PDE1A: variants seen among roughly 807,000 people sequenced by gnomAD.
The protein encoded by PDE1A is phosphodiesterase 1A, also known as dual specificity calcium/calmodulin-dependent 3',5'-cyclic nucleotide phosphodiesterase 1A.
In PDE1A, 35 loss-of-function variants were observed where a neutral mutation model predicts 61.7. The ratio of observed to expected loss-of-function variants is 0.57; its 90% CI spans 0.43 to 0.75. The LOEUF (loss-of-function observed/expected upper bound fraction) is 0.75, where lower values mean the gene tolerates loss of function less well. Among genes scored for constraint, PDE1A ranks in the 30% least tolerant of loss-of-function variants. The probability of loss-of-function intolerance (pLI) is 0.00; values close to 1 mark genes in which losing one functional copy is unlikely to be tolerated. For missense variants in PDE1A, 597 were observed against 630.6 expected (o/e 0.95, Z 0.57); for synonymous variants, 232 against 213.2 (o/e 1.09, Z -0.77).
chr2:182,508,229 A>G (rs1467882334), intron 2 of PDE1A, among the ~76,000 whole-genome samples: 25 of 152,098 alleles, frequency 1.6e-4, no homozygotes, highest in Non-Finnish European at 1.5e-5. Context: ...AACATAAGGC[A>G]TATACCTTAA....
At chr2:182,376,080 C>T (rs920890981) in intron 1 of PDE1A, among the ~76,000 whole-genome samples, 2 of 152,194 alleles carry the variant, frequency 1.3e-5, no homozygotes, top group African/African-American at 4.8e-5. Flanking sequence ...GGAGGGACTG[C>T]TGCAAAGATC....
the PDE1A span, among the ~76,000 whole-genome samples, chr2:182,567,036 C>CTTGATTAGT: frequency 6.6e-6 from 1 of 152,122 alleles, no homozygotes; most frequent in African/African-American, 2.4e-5. Flanking sequence ...ATAAGTCTAG[C>CTTGATTAGT]TTGATTAGTT....
At chr2:182,176,201 G>T (rs1692765319) in intron 13 of PDE1A, among the ~76,000 whole-genome samples, 1 of 148,294 alleles carries the variant, frequency 6.7e-6, no homozygotes, top group Non-Finnish European at 1.5e-5. Context: ...CTTTAAAGTA[G>T]TTTTTTCCAA....
the PDE1A span, among the ~76,000 whole-genome samples, chr2:182,610,087 C>CAAA: frequency 1.6e-5 from 2 of 127,330 alleles, no homozygotes; most frequent in Non-Finnish European, 3.3e-5. Context: ...GACTCTATCT[C>CAAA]AAAAAAAAAA....
chr2:182,354,309 C>T (rs776778092), intron 1 of PDE1A, among the ~76,000 whole-genome samples: 15 of 152,098 alleles, frequency 9.9e-5, no homozygotes, highest in Non-Finnish European at 1.8e-4. Flanking sequence ...GTAGACATTC[C>T]ACCACTATAG....
chr2:182,214,300 C>T lies in PDE1A; in HGVS notation c.777-8235G>A, dbSNP rs528279129. Among the ~76,000 whole-genome samples the T allele has an allele frequency of 1.7e-4, 26 of 152,142 alleles. 1 individual carries two copies. Among genetic ancestry groups the T allele is most frequent in the African/African-American group, 6.3e-4 (26 of 41,418 alleles). ...GGAAAGGAACAACCAGTACCAGCCA[C>T]TGCAAAATCATGCCAAATTGTAAAG... On this transcript the variant is annotated intron_variant, in intron 7 of 13. Coordinates refer to ENST00000351439, the Ensembl canonical transcript of PDE1A.
In PDE1A at chr2:182,231,937, G is replaced by GA. The variant is rs1488255526; in HGVS notation, c.418-807dup. 3.3e-5 allele frequency among the ~76,000 whole-genome samples: 5 copies of GA among 152,002 alleles called. No homozygotes were observed. The South Asian group carries it at 6.2e-4, about 19-fold the overall frequency. On this transcript the variant is annotated intron_variant, in intron 4 of 13. Coordinates refer to ENST00000351439, the Ensembl canonical transcript of PDE1A. ...CTCCAAAAAGAAAGAAAGAAAGATA[G>GA]AAAAATATGTAAATATCATAGCGAG...
At chr2:182,201,469 G>C (rs1384586554) in exon 10 of PDE1A, 3 of 1,613,956 alleles carry the variant, frequency 1.9e-6, no homozygotes, top group Middle Eastern at 3.3e-4. Flanking sequence ...TTAGGGCCAT[G>C]GTCCACCGAT....
At chr2:182,334,804 C>T (rs1042861973) in intron 1 of PDE1A, among the ~76,000 whole-genome samples, 6 of 152,126 alleles carry the variant, frequency 3.9e-5, no homozygotes, top group South Asian at 4.1e-4. Flanking sequence ...AGAAATAAAG[C>T]GTATTCAAAT....
At chr2:182,276,863 T>C (rs1693452595) in intron 1 of PDE1A, among the ~76,000 whole-genome samples, 1 of 151,930 alleles carries the variant, frequency 6.6e-6, no homozygotes, top group African/African-American at 2.4e-5. Context: ...GTGTCTGTCT[T>C]ATGTGGTTGA....
upstream of PDE1A, among the ~76,000 whole-genome samples, chr2:182,523,590 C>T (rs1353694030): frequency 2.0e-5 from 3 of 152,130 alleles, no homozygotes; most frequent in Non-Finnish European, 4.4e-5. Flanking sequence ...GAAAACTTGC[C>T]TGTTACTATG....
At chr2:182,610,300 T>C in the PDE1A span, among the ~76,000 whole-genome samples, 2 of 152,224 alleles carry the variant, frequency 1.3e-5, no homozygotes, top group African/African-American at 2.4e-5. Context: ...TGAAGTCTCT[T>C]TTGTACACAT....
At chr2:182,308,309 C>T (rs1420500178) in intron 1 of PDE1A, among the ~76,000 whole-genome samples, 1 of 152,058 alleles carries the variant, frequency 6.6e-6, no homozygotes, top group Non-Finnish European at 1.5e-5. Context: ...AGAGAAATTG[C>T]TTTTATTTAA....
chr2:182,500,809 C>G (rs985694173), intron 2 of PDE1A, among the ~76,000 whole-genome samples: 1 of 152,144 alleles, frequency 6.6e-6, no homozygotes, highest in Non-Finnish European at 1.5e-5. Context: ...CATTGTGACC[C>G]AGCAAATTCT....
At chr2:182,218,599 C>G (rs1024869513) in intron 7 of PDE1A, among the ~76,000 whole-genome samples, 1 of 152,084 alleles carries the variant, frequency 6.6e-6, no homozygotes, top group Non-Finnish European at 1.5e-5. Flanking sequence ...CAATTCTACT[C>G]TAGTATAGAT....
chr2:182,523,170 A>G (rs1690662796), upstream of PDE1A: 1 of 152,184 alleles, frequency 6.6e-6, no homozygotes, highest in Non-Finnish European at 1.5e-5. Context: ...GCAGCTGCAC[A>G]CAGCCTGCTC....
At chr2:182,143,690 T>C (rs1690344458), downstream of PDE1A, among the ~76,000 whole-genome samples, 1 of 152,068 alleles carries the variant, frequency 6.6e-6, no homozygotes, top group Non-Finnish European at 1.5e-5. Context: ...TAACTGTTTG[T>C]ATTTTTAGTA....
intron 2 of PDE1A, among the ~76,000 whole-genome samples, chr2:182,520,827 A>G (rs930907076): frequency 5.3e-5 from 8 of 152,006 alleles, no homozygotes; most frequent in Non-Finnish European, 1.2e-4. Context: ...AGGCTAAAAC[A>G]CAAATCATCT....
At chr2:182,645,993 AT>A in the PDE1A span, among the ~76,000 whole-genome samples, 1 of 152,330 alleles carries the variant, frequency 6.6e-6, no homozygotes. Context: ...GAAATGTCAT[AT>A]TTTGGTTGAA....
Sources: gnomAD v4.1 joint callset for allele counts (sites outside exome capture counted in the v4.1 genomes callset) on GRCh38, gnomAD v4.1.1 for gene constraint, MANE v1.5 for transcripts, NCBI Gene and HGNC (gene_info 2026-07-23, HGNC 2026-07-21) for gene names.